Variants in ANTXRL observed in about 807,000 individuals in gnomAD.
ANTXRL encodes ANTXR like.
Under a neutral mutation model 75.4 loss-of-function variants are expected in ANTXRL, and 63 were observed. That is an observed-to-expected ratio of 0.84 (90% confidence interval 0.68 to 1.03). The LOEUF is 1.03. Ranked by LOEUF, ANTXRL falls within the 50% of genes least tolerant of loss-of-function variation. The probability of loss-of-function intolerance (pLI) is 0.00; values close to 1 mark genes in which losing one functional copy is unlikely to be tolerated. For synonymous variants in ANTXRL, 335 were observed against 291.3 expected, an observed-to-expected ratio of 1.15 and a Z score of -1.53; for missense variants, 797 against 789.4, an observed-to-expected ratio of 1.01 and a Z score of -0.12.
At chr10:46,327,999 C>A (rs186639372) in intron 16 of ANTXRL, among the ~76,000 whole-genome samples, 2 of 152,294 alleles carry the variant, frequency 1.3e-5, no homozygotes, top group African/African-American at 4.8e-5. Context: ...GATCCTGCTG[C>A]AGCCCTCCAG....
rs117452957 is a variant in ANTXRL at position 46,289,700 on chromosome 10, T to A, written c.248+2190T>A. On this transcript the variant is annotated intron_variant, in intron 1 of 16. Transcript: ENST00000620264. ...GTCAAGATTACACCACTGCACTCCA[T>A]CCTGGGCGACAGAGTGAGACCCTGT... Among the ~76,000 whole-genome samples, 29 of 152,206 alleles carry A rather than the reference T, an allele frequency of 1.9e-4. No homozygotes were observed. The East Asian group carries it at 5.6e-3, about 29-fold the overall frequency.
chr10:46,298,518 C>CGT (rs148829924), intron 9 of ANTXRL, among the ~76,000 whole-genome samples: 4 of 148,996 alleles, frequency 2.7e-5, no homozygotes, highest in Admixed American at 6.7e-5. Context: ...AGCATATATG[C>CGT]GTGTGTGTGT....
chr10:46,304,272 A>G (rs1554961307), intron 10 of ANTXRL, among the ~76,000 whole-genome samples: 2 of 152,200 alleles, frequency 1.3e-5, no homozygotes, highest in East Asian at 3.8e-4. Flanking sequence ...AGAACAACAG[A>G]GAGTTTCTCT....
Position 46,287,381 on chromosome 10 carries a change from T to C in ANTXRL, c.119T>C (p.Phe40Ser). The C allele has an allele frequency of 3.9e-6, 6 of 1,535,920 alleles. No homozygotes were observed. The highest frequency in any genetic ancestry group is 4.4e-6 in the Non-Finnish European group (5 of 1,146,768). The change falls in exon 1 of 17, where the codon TTT becomes TCT. Residue 40 changes from phenylalanine (F) to serine (S), a missense_variant. Phe to Ser is a radical substitution (Grantham distance 155). Transcript: ENST00000620264. ...LRYHGPDWRI[F>S]HRLALGSRRA... ...TACCATGGACCTGACTGGAGAATAT[T>C]TCACCGCCTGGCCCTGGGCTCCAGG...
Position 46,302,415 on chromosome 10 carries a change from G to A in ANTXRL, c.797-307G>A, listed in dbSNP as rs1554960755. ...CCGAGGGAGCACCACAGATTTCAGGGCAGGAATACCACTCTGAGCCTGCCC... is the reference window on the plus strand; with the variant it reads ...CCGAGGGAGCACCACAGATTTCAGGACAGGAATACCACTCTGAGCCTGCCC... On this transcript the variant is annotated intron_variant, in intron 9 of 16. Coordinates refer to ENST00000620264, the MANE Select transcript of ANTXRL (RefSeq NM_001278688.3). Among the ~76,000 whole-genome samples the A allele has an allele frequency of 6.6e-5, 10 of 152,180 alleles. No homozygotes were observed. The South Asian group carries it at 2.1e-3, about 32-fold the overall frequency.
intron 16 of ANTXRL, among the ~76,000 whole-genome samples, chr10:46,315,603 C>A (rs1330700447): frequency 6.6e-6 from 1 of 152,174 alleles, no homozygotes; most frequent in East Asian, 1.9e-4. Context: ...CATGCCCGGC[C>A]TTGTGAGGAG....
intron 15 of ANTXRL, 82 bp from the exon 16 acceptor site, chr10:46,313,154 T>TG (rs1554963900): frequency 8.1e-7 from 1 of 1,227,996 alleles, no homozygotes. Flanking sequence ...GGCACAGAGC[T>TG]GTGGGGGGCT....
chr10:46,294,219 A>C, intron 3 of ANTXRL: 3 of 396,604 alleles, frequency 7.6e-6, no homozygotes, highest in South Asian at 7.5e-5. Flanking sequence ...AGGGGCTGGC[A>C]GGGCGGGGGT....
intron 11 of ANTXRL, among the ~76,000 whole-genome samples, chr10:46,307,102 C>A (rs754002024): frequency 6.6e-6 from 1 of 152,130 alleles, no homozygotes; most frequent in Admixed American, 6.5e-5. Flanking sequence ...GAGATGATTG[C>A]CCAAGGAATG....
At position 46,329,235 on chromosome 10, in the gene ANTXRL, C is replaced by A. The variant is rs1839370270; in HGVS notation, c.1411-364C>A. Among the ~76,000 whole-genome samples the A allele has an allele frequency of 2.0e-5, 3 of 152,162 alleles. No homozygotes were observed. The South Asian group carries it at 6.2e-4, about 32-fold the overall frequency. ...AGCCAGCCTTGAGGGCTGTGGTGAG[C>A]ACTCATCCCTTCCACATGCTCACTA... is the stretch of plus-strand genomic sequence containing the variant. On this transcript the variant is annotated intron_variant, in intron 16 of 16. Transcript: ENST00000620264.
At chr10:46,314,015 C>A (rs568805021) in intron 16 of ANTXRL, among the ~76,000 whole-genome samples, 6 of 152,216 alleles carry the variant, frequency 3.9e-5, no homozygotes, top group Non-Finnish European at 8.8e-5. Context: ...TGGGACTCAT[C>A]TGCCTGTGCC....
intron 9 of ANTXRL, among the ~76,000 whole-genome samples, chr10:46,301,862 G>C (rs10906945): frequency 1.3e-5 from 2 of 152,034 alleles, no homozygotes; most frequent in African/African-American, 4.8e-5. Context: ...ATTGGAATGC[G>C]TGGGGCCTGG....
intron 1 of ANTXRL, among the ~76,000 whole-genome samples, chr10:46,288,004 T>C (rs557189337): frequency 6.6e-6 from 1 of 152,224 alleles, no homozygotes; most frequent in Admixed American, 6.5e-5. Context: ...TGCTTCTAAG[T>C]GCCTCTTCTG....
chr10:46,300,824 C>A (rs1435477367), intron 9 of ANTXRL, among the ~76,000 whole-genome samples: 1 of 152,120 alleles, frequency 6.6e-6, no homozygotes, highest in Non-Finnish European at 1.5e-5. Context: ...TATGTCTAAG[C>A]ATAATTTTCT....
intron 13 of ANTXRL, 118 bp downstream of exon 13, chr10:46,309,320 G>C (rs1298546946): frequency 4.0e-6 from 6 of 1,501,306 alleles, no homozygotes; most frequent in Non-Finnish European, 5.3e-6. Context: ...TCAGCTCCCA[G>C]CTCATCACGT....
At position 46,312,775 on chromosome 10, in the gene ANTXRL, T is replaced by A. The variant is rs576873553; in HGVS notation, c.1330-461T>A. 9.4e-5 allele frequency among the ~76,000 whole-genome samples: 14 copies of A among 149,208 alleles called. No individual in the cohort carries two copies. The South Asian group carries it at 3.1e-3, about 33-fold the overall frequency. ...CCTGGGCTGCTTTCTGGCCTGTTTT[T>A]CTCTGCCTTCCTCTTCTCTCTTCCC... On this transcript the variant is annotated intron_variant, in intron 15 of 16. Transcript: ENST00000620264.
chr10:46,328,760 A>G (rs1839348819), intron 16 of ANTXRL, among the ~76,000 whole-genome samples: 2 of 152,098 alleles, frequency 1.3e-5, no homozygotes, highest in South Asian at 4.1e-4. Flanking sequence ...AGTAAGGAAG[A>G]CAGGAAGAAT....
At chr10:46,286,478 G>C (rs1489341633), upstream of ANTXRL, 1 of 152,178 alleles carries the variant, frequency 6.6e-6, no homozygotes, top group Admixed American at 6.6e-5. Flanking sequence ...GATAATTCCA[G>C]TGCCCAATCC....
chr10:46,306,843 C>T lies in ANTXRL; in HGVS notation c.936C>T (p.Cys312=), dbSNP rs1838122539. ...GTATCGACAATAATTCCATGAATTGCCCTGGGCCAAAACTAGAAAAACCTG... is the reference window on the plus strand; with the variant it reads ...GTATCGACAATAATTCCATGAATTGTCCTGGGCCAAAACTAGAAAAACCTG... The part of the protein sequence containing the change: ...PTSIDNNSMN[C]PGPKLEKPGE... The change falls in exon 11 of 17, where the codon TGC becomes TGT. Residue 312 remains cysteine, a synonymous_variant. Coordinates refer to ENST00000620264, the MANE Select transcript of ANTXRL (RefSeq NM_001278688.3). The T allele has an allele frequency of 1.3e-6, 2 of 1,530,068 alleles. No individual in the cohort carries two copies. Among genetic ancestry groups the T allele is most frequent in the Non-Finnish European group, 8.7e-7 (1 of 1,144,420 alleles). The allele number at this position is 1,530,068 out of a possible 1,614,324, so 94.8% of individuals were successfully genotyped here. A position where few individuals can be genotyped will look rare whatever the true frequency, so the allele number is the denominator to read the frequency against.
Sources: allele counts gnomAD v4.1 joint callset (sites outside exome capture counted in the v4.1 genomes callset), GRCh38; gene constraint gnomAD v4.1.1; transcripts MANE v1.5; gene names NCBI Gene and HGNC (gene_info 2026-07-23, HGNC 2026-07-21).